Variants in MDN1 observed in about 807,000 individuals in gnomAD.
The protein encoded by MDN1 is midasin AAA ATPase 1.
MDN1 carries 266 observed loss-of-function variants against 669.2 expected under a neutral mutation model. That is an observed-to-expected ratio of 0.40 (90% CI 0.36 to 0.44). The LOEUF (loss-of-function observed/expected upper bound fraction) is 0.44, where lower values mean the gene tolerates loss of function less well. Ranked by LOEUF, MDN1 falls within the 20% of genes least tolerant of loss-of-function variation. MDN1 has a pLI of 1.00. For missense variants in MDN1, 5,940 were observed against 6,754.0 expected (o/e 0.88, Z 4.22); for synonymous variants, 2,385 against 2,457.1 (o/e 0.97, Z 0.87).
At chr6:89,747,290 A>G (rs370635120) in intron 27 of MDN1, 39 bp downstream of exon 27, 15 of 1,589,872 alleles carry the variant, frequency 9.4e-6, no homozygotes, top group Non-Finnish European at 1.3e-5. Flanking sequence ...TTGACATTTA[A>G]CATAACTATA....
chr6:89,687,812 T>G (rs962074319), intron 67 of MDN1, among the ~76,000 whole-genome samples: 2 of 152,236 alleles, frequency 1.3e-5, no homozygotes, highest in East Asian at 1.9e-4. Flanking sequence ...TCAGTTGGAA[T>G]GAAGGCCCAC....
intron 31 of MDN1, among the ~76,000 whole-genome samples, chr6:89,742,553 G>C (rs1014324549): frequency 1.3e-5 from 2 of 152,148 alleles, no homozygotes; most frequent in South Asian, 4.1e-4. Flanking sequence ...TCAGTTCTAT[G>C]CATATAGCTT....
At chr6:89,785,405 T>C (rs1037555576) in intron 8 of MDN1, among the ~76,000 whole-genome samples, 2 of 152,218 alleles carry the variant, frequency 1.3e-5, no homozygotes, top group Non-Finnish European at 1.5e-5. Flanking sequence ...TGTTTTTATT[T>C]CAATGACAGG....
At position 89,662,864 on chromosome 6, in the gene MDN1, A is replaced by G. The variant is rs1809900954; in HGVS notation, c.14340T>C (p.Gly4780=). 1 of 1,612,730 alleles carries G rather than the reference A, an allele frequency of 6.2e-7. No individual in the cohort carries two copies. ...CCTCATCTTCCTCCTCATCATCATC[A>G]CCCCAAAGCCTCTCATCTAGTTTGT... The part of the protein sequence containing the change: ...EADKLDERLW[G]DDDEEEDEEE... Residue 4780 remains glycine, a synonymous_variant, in exon 86 of 102, where the codon GGT becomes GGC. Coordinates refer to ENST00000369393, the MANE Select transcript of MDN1 (RefSeq NM_014611.3).
intron 10 of MDN1, among the ~76,000 whole-genome samples, chr6:89,780,636 ATTTCCTTT>A (rs1384032514): frequency 7.2e-6 from 1 of 138,146 alleles, no homozygotes; most frequent in Non-Finnish European, 1.6e-5. Context: ...AGGAGATGCC[ATTTCCTTT>A]TTTTTTTTTT....
At chr6:89,808,799 C>T (rs1768174717) in intron 1 of MDN1, among the ~76,000 whole-genome samples, 1 of 152,142 alleles carries the variant, frequency 6.6e-6, no homozygotes, top group Non-Finnish European at 1.5e-5. Context: ...TTTAGGAATT[C>T]CAATCCTATG....
chr6:89,819,101 T>C (rs1427420726), intron 1 of MDN1, among the ~76,000 whole-genome samples: 1 of 152,200 alleles, frequency 6.6e-6, no homozygotes, highest in African/African-American at 2.4e-5. Context: ...TCAGTATTTG[T>C]CGATGGTTCC....
At chr6:89,742,294 C>T (rs1328893999) in intron 31 of MDN1, among the ~76,000 whole-genome samples, 1 of 151,904 alleles carries the variant, frequency 6.6e-6, no homozygotes, top group Non-Finnish European at 1.5e-5. Context: ...ACATGTGTAG[C>T]CCAGCTACTC....
intron 15 of MDN1, among the ~76,000 whole-genome samples, chr6:89,765,039 G>A (rs555689815): frequency 2.6e-5 from 4 of 152,206 alleles, no homozygotes; most frequent in South Asian, 4.2e-4. Flanking sequence ...GGCGGATCAC[G>A]AGGTCAGGAG....
intron 1 of MDN1, among the ~76,000 whole-genome samples, chr6:89,808,597 A>G (rs1258342710): frequency 1.3e-5 from 2 of 152,094 alleles, no homozygotes; most frequent in East Asian, 1.9e-4. Flanking sequence ...ACCAGACCCC[A>G]TATCCCTAGA....
At position 89,695,362 on chromosome 6, in the gene MDN1, CCTATTGGCAGAGAT is replaced by C. The variant is rs1197690433; in HGVS notation, c.9771+229_9771+242del. Among the ~76,000 whole-genome samples, 1 of 152,162 alleles carries C rather than the reference CCTATTGGCAGAGAT, an allele frequency of 6.6e-6. No individual in the cohort carries two copies. Among genetic ancestry groups the C allele is most frequent in the African/African-American group, 2.4e-5 (1 of 41,424 alleles). ...TTCTACCTGCCCTCTGCCCATTGCA[CCTATTGGCAGAGAT>C]CTCAGAACCTTAGGAAGGGCTCCTC... On this transcript the variant is annotated intron_variant, in intron 61 of 101. Coordinates refer to ENST00000369393, the MANE Select transcript of MDN1 (RefSeq NM_014611.3). The surrounding 1 kb of genome is among the most constrained non-coding windows in gnomAD (Gnocchi z 4.1).
rs900065559 is a variant in MDN1 at position 89,714,696 on chromosome 6, G to A, written c.6916C>T (p.Arg2306Cys). The change falls in exon 46 of 102, where the codon CGT becomes TGT. Residue 2306 changes from arginine (R) to cysteine (C), a missense_variant. Around this residue, in one of 5 missense-constraint regions of MDN1, gnomAD observed 2,292 missense variants for 2,638.3 expected, o/e 0.87. Transcript: ENST00000369393. ...HGDISRAMRN[R>C]GLEIYISGEG... Reference sequence around the variant, plus strand: ...CCTGAAATGTAGATTTCAAGTCCACGATTCCTCATAGCTCGGGATATATCT... The same window carrying A: ...CCTGAAATGTAGATTTCAAGTCCACAATTCCTCATAGCTCGGGATATATCT... The A allele has an allele frequency of 6.2e-7, 1 of 1,614,056 alleles. No individual in the cohort carries two copies. The highest frequency in any genetic ancestry group is 8.5e-7 in the Non-Finnish European group (1 of 1,179,980).
At position 89,753,986 on chromosome 6, in the gene MDN1, G is replaced by A. The variant is rs992649610; in HGVS notation, c.2964+97C>T. ...GTATTATGGGCTGATCTGACTAACTGGAAAGCACAGGCAACCTGGCATATG... is the reference window on the plus strand; with the variant it reads ...GTATTATGGGCTGATCTGACTAACTAGAAAGCACAGGCAACCTGGCATATG... On this transcript the variant is annotated intron_variant, in intron 21 of 101. Coordinates refer to ENST00000369393, the MANE Select transcript of MDN1 (RefSeq NM_014611.3). The A allele has an allele frequency of 3.9e-5, 52 of 1,338,182 alleles. No individual in the cohort carries two copies. The African/African-American group carries it at 7.4e-4, about 19-fold the overall frequency. The allele number at this position is 1,338,182 out of a possible 1,614,324, so 82.9% of individuals were successfully genotyped here.
At chr6:89,716,109 G>A (rs1380896474) in intron 44 of MDN1, among the ~76,000 whole-genome samples, 1 of 152,130 alleles carries the variant, frequency 6.6e-6, no homozygotes, top group Non-Finnish European at 1.5e-5. Context: ...TAAGGCAGCT[G>A]GATTTCAATT....
intron 27 of MDN1, 113 bp downstream of exon 27, chr6:89,747,216 G>A: frequency 8.1e-7 from 1 of 1,233,214 alleles, no homozygotes; most frequent in Non-Finnish European, 1.1e-6. Flanking sequence ...CAGGCTCTCT[G>A]GAATACCTAG....
At chr6:89,714,903 T>C in intron 45 of MDN1, 152 bp from the exon 46 acceptor site, 3 of 655,108 alleles carry the variant, frequency 4.6e-6, no homozygotes, top group Non-Finnish European at 7.8e-6. Context: ...TGCATCAATA[T>C]AGCAAAAGAT....
Position 89,701,646 on chromosome 6 carries a change from T to C in MDN1, c.8339A>G (p.His2780Arg). 1.2e-6 allele frequency: 2 copies of C among 1,614,142 alleles called. No individual in the cohort carries two copies. The highest frequency in any genetic ancestry group is 8.5e-7 in the Non-Finnish European group (1 of 1,179,992). The change falls in exon 55 of 102, where the codon CAT becomes CGT. Residue 2780 changes from histidine (H) to arginine (R), a missense_variant. This residue lies in a region of MDN1 where 2,292 missense variants were observed against 2,638.3 expected (regional missense o/e 0.87). Transcript: ENST00000369393. ...CTGGCTCCCCAGACAATTCTGAATATGTTCTGAGACAGTCTGAACTTCTTT... is the reference window on the plus strand; with the variant it reads ...CTGGCTCCCCAGACAATTCTGAATACGTTCTGAGACAGTCTGAACTTCTTT... Reference protein sequence around the residue: ...YYKEVQTVSEHIQNCLGSQTG... With the variant: ...YYKEVQTVSERIQNCLGSQTG...
intron 68 of MDN1, 37 bp downstream of exon 68, chr6:89,687,307 C>G: frequency 6.4e-7 from 1 of 1,570,010 alleles, no homozygotes; most frequent in Non-Finnish European, 8.7e-7. Flanking sequence ...AAAGCCCTTA[C>G]AACCTAAGTT....
chr6:89,709,495 C>G (rs959124870), intron 50 of MDN1, among the ~76,000 whole-genome samples: 16 of 152,178 alleles, frequency 1.1e-4, no homozygotes, highest in Non-Finnish European at 2.4e-4. Flanking sequence ...GTAAAAGTTA[C>G]AATCCTCTCA....
Sources: allele counts gnomAD v4.1 joint callset (sites outside exome capture counted in the v4.1 genomes callset), GRCh38; gene constraint gnomAD v4.1.1; regional missense constraint gnomAD v4.1.1; non-coding constraint Gnocchi (gnomAD v3.1); transcripts MANE v1.5; gene names NCBI Gene and HGNC (gene_info 2026-07-23, HGNC 2026-07-21).